GTPBP4: variants seen among roughly 807,000 people sequenced by gnomAD.
GTPBP4 encodes GTP binding protein 4.
In GTPBP4, 15 loss-of-function variants were observed where a neutral mutation model predicts 81.7. The ratio of observed to expected loss-of-function variants is 0.18; its 90% CI spans 0.12 to 0.28. The LOEUF (loss-of-function observed/expected upper bound fraction) is 0.28, where lower values mean the gene tolerates loss of function less well. Ranked by LOEUF, GTPBP4 falls within the 10% of genes least tolerant of loss-of-function variation. The pLI, the probability that GTPBP4 is intolerant of heterozygous loss-of-function variation, is 1.00. For missense variants in GTPBP4, 847 were observed against 793.8 expected (o/e 1.07, Z -0.81); for synonymous variants, 272 against 274.6 (o/e 0.99, Z 0.09).
chr10:993,816 GT>G (rs1286947060), intron 2 of GTPBP4, among the ~76,000 whole-genome samples: 1 of 151,500 alleles, frequency 6.6e-6, no homozygotes, highest in African/African-American at 2.4e-5. Context: ...TTAAGCCAGA[GT>G]ATCACAATCT....
At chr10:997,530 G>A (rs1157907182) in intron 5 of GTPBP4, among the ~76,000 whole-genome samples, 1 of 152,248 alleles carries the variant, frequency 6.6e-6, no homozygotes, top group East Asian at 1.9e-4. Context: ...TGAGCACGCC[G>A]AGCTCCTCTT....
intron 5 of GTPBP4, 127 bp from the exon 6 acceptor site, chr10:998,876 T>TG: frequency 1.5e-6 from 1 of 648,416 alleles, no homozygotes; most frequent in Non-Finnish European, 2.8e-6. Context: ...TCCTATTCGA[T>TG]GCAGTTTTAT....
chr10:1,009,132 T>A, intron 11 of GTPBP4, 97 bp downstream of exon 11: 1 of 863,232 alleles, frequency 1.2e-6, no homozygotes, highest in Non-Finnish European at 1.9e-6. Context: ...GAGCCGCGGG[T>A]GCCCAGACAC....
At chr10:1,000,387 G>A (rs1414585173) in intron 6 of GTPBP4, among the ~76,000 whole-genome samples, 4 of 151,358 alleles carry the variant, frequency 2.6e-5, no homozygotes, top group Non-Finnish European at 4.4e-5. Flanking sequence ...ACAGGTGCCC[G>A]CCACCACGCC....
intron 2 of GTPBP4, among the ~76,000 whole-genome samples, chr10:993,318 T>C (rs1013265167): frequency 2.6e-5 from 4 of 152,174 alleles, no homozygotes; most frequent in Non-Finnish European, 5.9e-5. Flanking sequence ...AGTGGCGTGA[T>C]CTCAGCCCGC....
chr10:1,017,025 A>G, intron 16 of GTPBP4, 50 bp from the exon 17 acceptor site: 1 of 1,498,566 alleles, frequency 6.7e-7, no homozygotes, highest in Non-Finnish European at 9.2e-7. Context: ...TCAGAATGGA[A>G]AATTGGTTTT....
At chr10:988,640 C>T (rs944415326) in intron 1 of GTPBP4, 113 bp downstream of exon 1, 4 of 783,546 alleles carry the variant, frequency 5.1e-6, no homozygotes, top group Admixed American at 4.0e-5. Context: ...TCGCCCATCC[C>T]CCGCTCCTGG....
In GTPBP4 at chr10:1,014,332, A is replaced by C; in HGVS notation, c.1608+20A>C. ...GACGATGTGAGTGTGGGGGCGGTTC[A>C]TGTGTTTATGTGGCTGGATACACCT... On this transcript the variant is annotated intron_variant, in intron 15 of 16. Coordinates refer to ENST00000360803, the MANE Select transcript of GTPBP4 (RefSeq NM_012341.3). The C allele has an allele frequency of 6.5e-7, 1 of 1,549,290 alleles. No homozygotes were observed. The highest frequency in any genetic ancestry group is 8.9e-7 in the Non-Finnish European group (1 of 1,121,502).
intron 8 of GTPBP4, among the ~76,000 whole-genome samples, chr10:1,001,890 A>C (rs1831640761): frequency 6.7e-6 from 1 of 150,348 alleles, no homozygotes; most frequent in Non-Finnish European, 1.5e-5. Context: ...TGTTCTGTAG[A>C]TGTTTGGTCT....
intron 14 of GTPBP4, 36 bp downstream of exon 14, chr10:1,012,698 T>G: frequency 1.3e-6 from 2 of 1,483,154 alleles, no homozygotes; most frequent in African/African-American, 1.4e-5. Context: ...TGTGATCTAG[T>G]TTTTGAAAAT....
At chr10:998,085 TTTTC>T (rs1160292773) in intron 5 of GTPBP4, among the ~76,000 whole-genome samples, 4 of 152,142 alleles carry the variant, frequency 2.6e-5, no homozygotes, top group African/African-American at 7.2e-5. Flanking sequence ...AAAAAAATTT[TTTTC>T]TTTCTTTTTG....
In GTPBP4 at chr10:1,017,154, G is replaced by A. The variant is rs771189740; in HGVS notation, c.1832G>A (p.Arg611Lys). 14 of 1,613,860 alleles carry A rather than the reference G, an allele frequency of 8.7e-6. No homozygotes were observed. The highest frequency in any genetic ancestry group is 6.8e-6 in the Non-Finnish European group (8 of 1,179,806). ...TTGGGGAAGAAAGGGGAGGCGGATAGACACGTGTTTGATATGAAGCCCAAG... is the reference window on the plus strand; with the variant it reads ...TTGGGGAAGAAAGGGGAGGCGGATAAACACGTGTTTGATATGAAGCCCAAG... ...NRLGKKGEAD[R>K]HVFDMKPKHL... is the part of the protein sequence containing the mutation. Residue 611 changes from arginine to lysine, a missense_variant, in exon 17 of 17, where the codon AGA becomes AAA. Transcript: ENST00000360803.
chr10:989,872 G>A (rs1189485036), intron 1 of GTPBP4, among the ~76,000 whole-genome samples: 1 of 152,144 alleles, frequency 6.6e-6, no homozygotes, highest in Non-Finnish European at 1.5e-5. Flanking sequence ...GAGTAGCTGG[G>A]ACTACAGGCA....
chr10:1,015,380 CTCT>C lies in GTPBP4; in HGVS notation c.1609-372_1609-370del, dbSNP rs1564472191. Among the ~76,000 whole-genome samples the C allele has an allele frequency of 1.3e-3, 179 of 139,876 alleles. 20 individuals carry two copies. The highest frequency in any genetic ancestry group is 4.7e-3 in the African/African-American group (161 of 34,078). 91.8% of individuals were successfully genotyped at this position (139,876 alleles called of 152,430 possible). A position where few individuals can be genotyped will look rare whatever the true frequency, so the allele number is the denominator to read the frequency against. Reference sequence around the variant, plus strand: ...CTGGGTGCGGGGCTGGGGTCCTGAGCTCTGAGCCTGGGAGTGGACCTGGGGTCC... The same window carrying C: ...CTGGGTGCGGGGCTGGGGTCCTGAGCGAGCCTGGGAGTGGACCTGGGGTCC... On this transcript the variant is annotated intron_variant, in intron 15 of 16. Coordinates refer to ENST00000360803, the MANE Select transcript of GTPBP4 (RefSeq NM_012341.3).
At chr10:1,013,097 C>T (rs1258591269) in intron 14 of GTPBP4, among the ~76,000 whole-genome samples, 1 of 151,864 alleles carries the variant, frequency 6.6e-6, no homozygotes, top group Admixed American at 6.6e-5. Flanking sequence ...AATTCTCCTG[C>T]CTCAGCCTCC....
Position 995,982 on chromosome 10 carries a change from T to C in GTPBP4, c.273T>C (p.His91=), listed in dbSNP as rs758898231. ...DLMNILYDKD[H]YKLALGQINI... ...TGAATATTCTCTACGACAAGGATCA[T>C]TACAAGTTGGCTCTGGGGCAAATAA... The change falls in exon 3 of 17, where the codon CAT becomes CAC. Residue 91 remains histidine (H), a synonymous_variant. Coordinates refer to ENST00000360803, the MANE Select transcript of GTPBP4 (RefSeq NM_012341.3). The C allele has an allele frequency of 6.2e-7, 1 of 1,612,460 alleles. No individual in the cohort carries two copies. The highest frequency in any genetic ancestry group is 8.5e-7 in the Non-Finnish European group (1 of 1,178,454).
At chr10:991,936 C>T (rs1442528605) in intron 1 of GTPBP4, among the ~76,000 whole-genome samples, 6 of 147,726 alleles carry the variant, frequency 4.1e-5, no homozygotes, top group East Asian at 2.0e-4. Flanking sequence ...ACCTCGTGAT[C>T]CGCCCGCCTC....
chr10:994,959 T>A (rs1831512755), intron 2 of GTPBP4, among the ~76,000 whole-genome samples: 1 of 151,170 alleles, frequency 6.6e-6, no homozygotes, highest in Non-Finnish European at 1.5e-5. Context: ...TGGAAGGGAG[T>A]AGGGAGTATC....
intron 8 of GTPBP4, among the ~76,000 whole-genome samples, chr10:1,005,446 T>A (rs1473521440): frequency 6.6e-6 from 1 of 152,056 alleles, no homozygotes; most frequent in Admixed American, 6.5e-5. Context: ...GCCTGGCCCC[T>A]GGTGTTTTCT....
Sources: gnomAD v4.1 joint callset for allele counts (sites outside exome capture counted in the v4.1 genomes callset) on GRCh38, gnomAD v4.1.1 for gene constraint, MANE v1.5 for transcripts, NCBI Gene and HGNC (gene_info 2026-07-23, HGNC 2026-07-21) for gene names.